The following STX7 variants were observed in gnomAD, a reference collection of about 807,000 sequenced individuals.
STX7 encodes syntaxin 7, also known as syntaxin-7.
Under a neutral mutation model 39.6 loss-of-function variants are expected in STX7, and 34 were observed. That is an observed-to-expected ratio of 0.86 (90% CI 0.65 to 1.14). STX7 has a LOEUF of 1.14. STX7 is among the 50% of genes most tolerant of loss of function. STX7 has a pLI of 0.00. For synonymous variants in STX7, 119 were observed against 99.1 expected (o/e 1.20, Z -1.19); for missense variants, 284 against 310.4 (o/e 0.92, Z 0.64).
chr6:132,473,963 C>G (rs1774804994), intron 3 of STX7, among the ~76,000 whole-genome samples: 1 of 151,948 alleles, frequency 6.6e-6, no homozygotes, highest in Non-Finnish European at 1.5e-5. Context: ...GACATGGTGG[C>G]TCATGCCTGT....
At chr6:132,502,281 G>A (rs140598816) in intron 2 of STX7, among the ~76,000 whole-genome samples, 14 of 152,232 alleles carry the variant, frequency 9.2e-5, no homozygotes, top group Non-Finnish European at 2.1e-4. Context: ...CACTATTTCT[G>A]CAATGTGTTA....
rs1407825007 is a variant in STX7, at chr6:132,447,591, T to C, written c.*13167A>G. 1 of 152,162 alleles carries C rather than the reference T, an allele frequency of 6.6e-6. No homozygotes were observed. The allele number at this position is 152,162 out of a possible 1,614,324, so 9.4% of individuals were successfully genotyped here. On this transcript the variant is annotated 3_prime_UTR_variant, in exon 10 of 10. Transcript: ENST00000367941. ...CGTTTTGCCCTCTACATTTTTACTT[T>C]AATAACTTTGTTTAGAACTGTTATA...
chr6:132,491,934 T>C (rs973011925), intron 2 of STX7, among the ~76,000 whole-genome samples: 1 of 152,186 alleles, frequency 6.6e-6, no homozygotes, highest in Non-Finnish European at 1.5e-5. Flanking sequence ...TCCAGACTCT[T>C]GCATATATCT....
At chr6:132,464,895 C>T (rs1774522571) in intron 8 of STX7, among the ~76,000 whole-genome samples, 1 of 152,094 alleles carries the variant, frequency 6.6e-6, no homozygotes, top group Non-Finnish European at 1.5e-5. Flanking sequence ...GGAGGTGGAA[C>T]GGGTGTCATT....
chr6:132,475,433 C>T (rs1241015505), intron 3 of STX7, 160 bp downstream of exon 3: 4 of 429,734 alleles, frequency 9.3e-6, no homozygotes, highest in South Asian at 6.0e-5. Context: ...AAAATCTACA[C>T]AAAAGCTTGG....
rs1228675641 is a variant in STX7 at position 132,460,826 on chromosome 6, T to C, written c.718A>G (p.Ile240Val). ...CCAATGACAAGGATAAGAATGATGA[T>C]GCACAGGGTTTTTCTGGATTTGCGC... ...YQRKSRKTLCIIILILVIGVA... is the reference protein window; with the variant it reads ...YQRKSRKTLCVIILILVIGVA... Residue 240 changes from isoleucine to valine, a missense_variant, in exon 10 of 10, where the codon ATC becomes GTC. Ile to Val is a conservative substitution (Grantham distance 29, BLOSUM62 3). Transcript: ENST00000367941. The C allele has an allele frequency of 1.9e-6, 3 of 1,613,522 alleles. No homozygotes were observed. Among genetic ancestry groups the C allele is most frequent in the South Asian group, 1.1e-5 (1 of 91,060 alleles).
chr6:132,483,745 G>A (rs1235085955), intron 2 of STX7, among the ~76,000 whole-genome samples: 1 of 152,138 alleles, frequency 6.6e-6, no homozygotes, highest in Non-Finnish European at 1.5e-5. Context: ...TGGTTCACAG[G>A]ATCTTCTGCG....
At position 132,504,177 on chromosome 6, in the gene STX7, AACAC is replaced by A. The variant is rs999496405; in HGVS notation, c.-58-593_-58-590del. 2.6e-3 allele frequency among the ~76,000 whole-genome samples: 400 copies of A among 152,318 alleles called. 3 individuals are homozygous for A. Among genetic ancestry groups the A allele is most frequent in the African/African-American group, 9.0e-3 (375 of 41,574 alleles). On this transcript the variant is annotated intron_variant, in intron 1 of 9. Transcript: ENST00000367941. ...TTGTACCAACCTTAATATCTAATTTAACACACACACAGGACCTGCTCAGGAATGT... is the reference window on the plus strand; with the variant it reads ...TTGTACCAACCTTAATATCTAATTTAACACACAGGACCTGCTCAGGAATGT...
Position 132,470,055 on chromosome 6 carries a change from A to C in STX7, c.441-8T>G. ...ACTTGAGGTTGAGTTTGGCTAACAGAAAAAAATGAATGTGGAAAAAAACAA... is the reference window on the plus strand; with the variant it reads ...ACTTGAGGTTGAGTTTGGCTAACAGCAAAAAATGAATGTGGAAAAAAACAA... On this transcript the variant is annotated splice_polypyrimidine_tract_variant and splice_region_variant and intron_variant, in intron 6 of 9. Transcript: ENST00000367941. The C allele has an allele frequency of 6.4e-7, 1 of 1,568,186 alleles. No homozygotes were observed. The highest frequency in any genetic ancestry group is 8.6e-7 in the Non-Finnish European group (1 of 1,164,324).
At chr6:132,470,348 T>C (rs2114374651) in intron 6 of STX7, among the ~76,000 whole-genome samples, 2 of 152,228 alleles carry the variant, frequency 1.3e-5, no homozygotes, top group South Asian at 4.1e-4. Flanking sequence ...ATGTCTATAT[T>C]AATAATTAAG....
Position 132,471,578 on chromosome 6 carries a change from T to A in STX7, c.272A>T (p.Asp91Val), listed in dbSNP as rs1161993252. 6.2e-7 allele frequency: 1 copy of A among 1,613,694 alleles called. No individual in the cohort carries two copies. The highest frequency in any genetic ancestry group is 8.5e-7 in the Non-Finnish European group (1 of 1,179,822). Residue 91 changes from aspartate (D) to valine (V), a missense_variant, in exon 5 of 10, where the codon GAT becomes GTT. By Grantham distance (152) the Asp-to-Val change is radical (BLOSUM62 -3). Coordinates refer to ENST00000367941, the MANE Select transcript of STX7 (RefSeq NM_003569.3). ...SEQRQRKIQK[D>V]RLVAEFTTSL... Reference sequence around the variant, plus strand: ...TGTTGTGAACTCTGCCACTAAGCGATCCTTCTGTATTTTCCTTTGACGCTA... The same window carrying A: ...TGTTGTGAACTCTGCCACTAAGCGAACCTTCTGTATTTTCCTTTGACGCTA...
intron 2 of STX7, among the ~76,000 whole-genome samples, chr6:132,487,028 G>C (rs1775153815): frequency 6.6e-6 from 1 of 152,088 alleles, no homozygotes; most frequent in African/African-American, 2.4e-5. Context: ...ATGCTGACCT[G>C]CTAAAACGAA....
At position 132,509,475 on chromosome 6, in the gene STX7, AACAT is replaced by A. The variant is rs1562343558; in HGVS notation, c.-59+3528_-59+3531del. Among the ~76,000 whole-genome samples, 62 of 82,096 alleles carry A rather than the reference AACAT, an allele frequency of 7.6e-4. 2 individuals carry two copies. Among genetic ancestry groups the A allele is most frequent in the Non-Finnish European group, 1.1e-3 (46 of 40,382 alleles). 53.9% of individuals were successfully genotyped at this position (82,096 alleles called of 152,430 possible). A position where few individuals can be genotyped will look rare whatever the true frequency, so the allele number is the denominator to read the frequency against. ...AAAATAACATAACATAACATAACAT[AACAT>A]AACATAACATAACATAACATAACAT... On this transcript the variant is annotated intron_variant, in intron 1 of 9. Coordinates refer to ENST00000367941, the MANE Select transcript of STX7 (RefSeq NM_003569.3).
chr6:132,469,900 C>CAA, intron 7 of STX7, 51 bp downstream of exon 7: 3 of 1,462,936 alleles, frequency 2.1e-6, no homozygotes, highest in Non-Finnish European at 2.8e-6. Context: ...ATCTTGAGAA[C>CAA]AAACTCACTA....
chr6:132,461,509 A>C (rs957650035), intron 9 of STX7, among the ~76,000 whole-genome samples: 1 of 151,776 alleles, frequency 6.6e-6, no homozygotes, highest in African/African-American at 2.4e-5. Context: ...ACGGAGTTTC[A>C]CCATGTTGGC....
intron 9 of STX7, among the ~76,000 whole-genome samples, chr6:132,461,303 A>T (rs1425564692): frequency 1.3e-5 from 2 of 151,616 alleles, no homozygotes; most frequent in African/African-American, 4.9e-5. Flanking sequence ...TTCTTCACAT[A>T]TATTTCTTTT....
At chr6:132,461,993 C>T (rs1774419125) in intron 9 of STX7, 3 of 839,380 alleles carry the variant, frequency 3.6e-6, no homozygotes, top group Admixed American at 3.0e-5. Flanking sequence ...ACATATTCAT[C>T]TAATTTTTCC....
intron 2 of STX7, among the ~76,000 whole-genome samples, chr6:132,478,634 G>A (rs1400514815): frequency 2.0e-5 from 3 of 152,206 alleles, no homozygotes; most frequent in Non-Finnish European, 2.9e-5. Flanking sequence ...CGGCCTATCT[G>A]GAGAATGCAG....
Position 132,450,566 on chromosome 6 carries a change from C to T in STX7, c.*10192G>A, listed in dbSNP as rs374442234. 1.4e-3 allele frequency: 206 copies of T among 151,754 alleles called. 3 individuals are homozygous for T. Among genetic ancestry groups the T allele is most frequent in the African/African-American group, 4.6e-3 (189 of 41,404 alleles). The allele number at this position is 151,754 out of a possible 1,614,324, so 9.4% of individuals were successfully genotyped here. On this transcript the variant is annotated 3_prime_UTR_variant, in exon 10 of 10. Coordinates refer to ENST00000367941, the MANE Select transcript of STX7 (RefSeq NM_003569.3). ...CTCTCTTCTATAGTATAGGTTTATA[C>T]TCCAGGGGTCAACCAACATTTTCGG... is the stretch of plus-strand genomic sequence containing the variant.
Sources: gnomAD v4.1 joint callset for allele counts (sites outside exome capture counted in the v4.1 genomes callset) on GRCh38, gnomAD v4.1.1 for gene constraint, MANE v1.5 for transcripts, NCBI Gene and HGNC (gene_info 2026-07-23, HGNC 2026-07-21) for gene names.